Variants in PIWIL3 observed in about 807,000 individuals in gnomAD.
The protein encoded by PIWIL3 is piwi like RNA-mediated gene silencing 3.
PIWIL3 carries 101 observed loss-of-function variants against 109.7 expected under a neutral mutation model. That is an observed-to-expected ratio of 0.92 (90% CI 0.78 to 1.09). The LOEUF is 1.09. Among genes scored for constraint, PIWIL3 ranks in the 50% least tolerant of loss-of-function variants. The pLI, the probability that PIWIL3 is intolerant of heterozygous loss-of-function variation, is 0.00. For missense variants in PIWIL3, 1,031 were observed against 1,072.6 expected, an observed-to-expected ratio of 0.96 and a Z score of 0.54; for synonymous variants, 373 against 376.4, an observed-to-expected ratio of 0.99 and a Z score of 0.10.
At chr22:24,762,603 T>A in intron 1 of PIWIL3, 82 bp from the exon 2 acceptor site, 1 of 1,135,018 alleles carries the variant, frequency 8.8e-7, no homozygotes. Context: ...ACAGAATATC[T>A]GAGGCTGGGT....
At chr22:24,725,150 T>A in intron 17 of PIWIL3, 113 bp from the exon 18 acceptor site, 1 of 1,292,622 alleles carries the variant, frequency 7.7e-7, no homozygotes, top group Non-Finnish European at 1.1e-6. Flanking sequence ...AGGGCAATTT[T>A]ACTGCTTAAG....
rs763000164 is a variant in PIWIL3, at chr22:24,723,124, G to A, written c.2357+6C>T. Reference sequence around the variant, plus strand: ...GAACCATGTGCAAAAAATACAGGTGGCTTACCATTCATTCCTAGTCAACTC... The same window carrying A: ...GAACCATGTGCAAAAAATACAGGTGACTTACCATTCATTCCTAGTCAACTC... On this transcript the variant is annotated splice_donor_region_variant and intron_variant, in intron 19 of 20. Transcript: ENST00000616349. 2 of 1,612,508 alleles carry A rather than the reference G, an allele frequency of 1.2e-6. No homozygotes were observed. Among genetic ancestry groups the A allele is most frequent in the Admixed American group, 3.3e-5 (2 of 59,960 alleles).
Position 24,754,227 on chromosome 22 carries a change from A to G in PIWIL3, c.774-10T>C. Reference sequence around the variant, plus strand: ...GATTTCCAAACTGGTACTAGAATAAATTACATGAGAGTATTAGTCCGATCT... The same window carrying G: ...GATTTCCAAACTGGTACTAGAATAAGTTACATGAGAGTATTAGTCCGATCT... On this transcript the variant is annotated splice_polypyrimidine_tract_variant and intron_variant, in intron 7 of 20. Coordinates refer to ENST00000616349, the MANE Select transcript of PIWIL3 (RefSeq NM_001255975.1). 6.2e-7 allele frequency: 1 copy of G among 1,603,162 alleles called. No homozygotes were observed.
chr22:24,736,143 C>T (rs2147667941), intron 12 of PIWIL3, among the ~76,000 whole-genome samples: 1 of 152,240 alleles, frequency 6.6e-6, no homozygotes, highest in African/African-American at 2.4e-5. Context: ...CCTATGTAGG[C>T]AAAGCAAACT....
intron 18 of PIWIL3, among the ~76,000 whole-genome samples, chr22:24,724,251 T>G (rs80002099): frequency 8.3e-6 from 1 of 121,108 alleles, no homozygotes; most frequent in Non-Finnish European, 1.7e-5. Flanking sequence ...AAACATCAGA[T>G]TTTTTTTTTT....
chr22:24,756,436 A>G (rs1925034459), intron 5 of PIWIL3, 55 bp downstream of exon 5: 3 of 1,512,372 alleles, frequency 2.0e-6, no homozygotes, highest in East Asian at 2.3e-5. Context: ...TTTTATTATA[A>G]TAAAGTGAAA....
chr22:24,723,333 T>C (rs140345), intron 18 of PIWIL3, 78 bp from the exon 19 acceptor site: 421,338 of 1,435,964 alleles, frequency 0.29, 64,797 homozygotes, highest in Admixed American at 0.54. Flanking sequence ...AAACATCTGC[T>C]TTACATTTAG....
intron 19 of PIWIL3, among the ~76,000 whole-genome samples, chr22:24,720,721 T>C (rs998217826): frequency 6.6e-6 from 1 of 152,260 alleles, no homozygotes; most frequent in South Asian, 2.1e-4. Context: ...TTATGTTAGA[T>C]TGATCAAATG....
At chr22:24,735,994 T>A (rs1923635788) in intron 12 of PIWIL3, 102 bp from the exon 13 acceptor site, 1 of 987,804 alleles carries the variant, frequency 1.0e-6, no homozygotes, top group Admixed American at 2.7e-5. Context: ...ATAGAAATGT[T>A]ACAATTATAA....
intron 12 of PIWIL3, among the ~76,000 whole-genome samples, chr22:24,739,939 T>C (rs778662951): frequency 2.0e-5 from 3 of 151,390 alleles, no homozygotes; most frequent in Non-Finnish European, 4.4e-5. Context: ...TAGTCCCAGC[T>C]ACTCAGGAGG....
intron 12 of PIWIL3, 80 bp downstream of exon 12, chr22:24,748,827 A>T: frequency 9.2e-7 from 1 of 1,085,738 alleles, no homozygotes; most frequent in Non-Finnish European, 1.3e-6. Context: ...CGTAGTCATT[A>T]CTGAGACTCA....
At chr22:24,720,356 C>G (rs1922604265) in intron 19 of PIWIL3, among the ~76,000 whole-genome samples, 2 of 143,926 alleles carry the variant, frequency 1.4e-5, no homozygotes, top group South Asian at 4.7e-4. Context: ...ACTGCAAGCT[C>G]TGCCTCCTGG....
chr22:24,730,433 A>G (rs916508500), intron 14 of PIWIL3, among the ~76,000 whole-genome samples: 1 of 151,620 alleles, frequency 6.6e-6, no homozygotes, highest in Non-Finnish European at 1.5e-5. Flanking sequence ...TTTAAGTAAG[A>G]GTATGTTCCT....
chr22:24,756,950 G>A (rs1925072302), intron 4 of PIWIL3, among the ~76,000 whole-genome samples: 1 of 151,738 alleles, frequency 6.6e-6, no homozygotes, highest in African/African-American at 2.4e-5. Context: ...ACAGTGGCAG[G>A]TGCCTATAAT....
rs1325885910 is a variant in PIWIL3, at chr22:24,729,626, ATTAAG to A, written c.1708-1257_1708-1253del. Among the ~76,000 whole-genome samples, 14 of 152,286 alleles carry A rather than the reference ATTAAG, an allele frequency of 9.2e-5. No homozygotes were observed. The East Asian group carries it at 2.1e-3, about 23-fold the overall frequency. ...TCCTGACTTGCTTGGGAAAATAATT[ATTAAG>A]TTATTTTTAACACGATGATGTTTAT... On this transcript the variant is annotated intron_variant, in intron 14 of 20. Coordinates refer to ENST00000616349, the MANE Select transcript of PIWIL3 (RefSeq NM_001255975.1).
chr22:24,749,679 T>C lies in PIWIL3; in HGVS notation c.1216+14A>G, dbSNP rs1460275564. On this transcript the variant is annotated intron_variant, in intron 10 of 20. Coordinates refer to ENST00000616349, the MANE Select transcript of PIWIL3 (RefSeq NM_001255975.1). ...TATACCTGACTTTAAAGAGGGGCTGTAATCCATCAGTACCTGTCATGTGGC... is the reference window on the plus strand; with the variant it reads ...TATACCTGACTTTAAAGAGGGGCTGCAATCCATCAGTACCTGTCATGTGGC... The C allele has an allele frequency of 6.2e-7, 1 of 1,614,074 alleles. No homozygotes were observed. Among genetic ancestry groups the C allele is most frequent in the Non-Finnish European group, 8.5e-7 (1 of 1,180,042 alleles).
chr22:24,720,397 G>A (rs576185512), intron 19 of PIWIL3, among the ~76,000 whole-genome samples: 277 of 147,950 alleles, frequency 1.9e-3, no homozygotes, highest in African/African-American at 6.4e-3. Context: ...TCAGCCTCCC[G>A]AGTAGCTGGG....
chr22:24,749,267 G>C (rs1221565319), intron 11 of PIWIL3, 137 bp downstream of exon 11: 1 of 1,362,412 alleles, frequency 7.3e-7, no homozygotes, highest in Non-Finnish European at 1.0e-6. Flanking sequence ...AAAAACTAGA[G>C]TTGTCCCCCA....
At chr22:24,750,853 G>C (rs190090004) in intron 9 of PIWIL3, among the ~76,000 whole-genome samples, 1 of 151,158 alleles carries the variant, frequency 6.6e-6, no homozygotes, top group East Asian at 2.0e-4. Flanking sequence ...GCTGGATGCA[G>C]TGGCTCATGC....
Sources: gnomAD v4.1 joint callset for allele counts (sites outside exome capture counted in the v4.1 genomes callset) on GRCh38, gnomAD v4.1.1 for gene constraint, MANE v1.5 for transcripts, NCBI Gene and HGNC (gene_info 2026-07-23, HGNC 2026-07-21) for gene names.